Variants in JAKMIP3 observed in about 807,000 individuals in gnomAD.
JAKMIP3 encodes the protein janus kinase and microtubule-interacting protein 3.
JAKMIP3 carries 58 observed loss-of-function variants against 118.5 expected under a neutral mutation model. That is an observed-to-expected ratio of 0.49 (90% CI 0.40 to 0.61). The LOEUF is 0.61. JAKMIP3 is among the 20% of genes least tolerant of loss of function. The probability of loss-of-function intolerance (pLI) is 0.00; values close to 1 mark genes in which losing one functional copy is unlikely to be tolerated. For synonymous variants in JAKMIP3, 486 were observed against 451.2 expected, an observed-to-expected ratio of 1.08 and a Z score of -0.98; for missense variants, 950 against 1,109.0, an observed-to-expected ratio of 0.86 and a Z score of 2.04.
At chr10:132,071,192 T>TG (rs2039784508) in intron 1 of JAKMIP3, among the ~76,000 whole-genome samples, 1 of 151,112 alleles carries the variant, frequency 6.6e-6, no homozygotes, top group African/African-American at 2.4e-5. Context: ...TGTGTGTGTG[T>TG]TTTAATCCAG....
At chr10:132,108,192 C>T (rs1259729290) in intron 2 of JAKMIP3, among the ~76,000 whole-genome samples, 1 of 152,188 alleles carries the variant, frequency 6.6e-6, no homozygotes, top group African/African-American at 2.4e-5. Flanking sequence ...GTTTTCACAC[C>T]TCACTGTGCA....
intron 1 of JAKMIP3, among the ~76,000 whole-genome samples, chr10:132,055,633 T>G (rs2038217327): frequency 6.6e-6 from 1 of 152,208 alleles, no homozygotes; most frequent in African/African-American, 2.4e-5. Context: ...TCAGTTGGCA[T>G]GTGCCTCGGT....
chr10:132,132,467 G>A (rs1013151076), intron 3 of JAKMIP3, among the ~76,000 whole-genome samples: 31 of 152,268 alleles, frequency 2.0e-4, no homozygotes, highest in African/African-American at 6.7e-4. Flanking sequence ...GAAGCGGGGC[G>A]GGGTACTTGC....
chr10:132,155,094 A>T (rs947553401), intron 19 of JAKMIP3, among the ~76,000 whole-genome samples: 1 of 21,022 alleles, frequency 4.8e-5, no homozygotes, highest in Admixed American at 4.9e-4. Flanking sequence ...GGAGGTAGTG[A>T]TGATGATGGT....
intron 1 of JAKMIP3, among the ~76,000 whole-genome samples, chr10:132,081,816 G>A (rs1328415013): frequency 6.6e-6 from 1 of 151,968 alleles, no homozygotes; most frequent in African/African-American, 2.4e-5. Flanking sequence ...GCAGTGCACA[G>A]AGAACCACAC....
chr10:132,165,921 A>G (rs114054620), intron 21 of JAKMIP3, among the ~76,000 whole-genome samples: 2,840 of 152,340 alleles, frequency 0.019, 87 homozygotes, highest in African/African-American at 0.064. Context: ...CCGGGAGGGG[A>G]CACAGTGTTC....
intron 1 of JAKMIP3, among the ~76,000 whole-genome samples, chr10:132,038,415 T>C (rs960193840): frequency 2.0e-5 from 3 of 152,136 alleles, no homozygotes; most frequent in Admixed American, 2.0e-4. Context: ...CATGACACTT[T>C]TGCAAGATCT....
At chr10:132,061,306 G>C (rs371352579), upstream of JAKMIP3, among the ~76,000 whole-genome samples, 1 of 152,084 alleles carries the variant, frequency 6.6e-6, no homozygotes, top group Non-Finnish European at 1.5e-5. Context: ...ACACACACAC[G>C]TTAGGCACCA....
At chr10:132,161,897 G>T (rs1189240359) in intron 19 of JAKMIP3, among the ~76,000 whole-genome samples, 1 of 146,214 alleles carries the variant, frequency 6.8e-6, no homozygotes, top group African/African-American at 2.4e-5. Flanking sequence ...TATTGGGGGG[G>T]CCACTTCCTG....
chr10:132,054,949 TG>T lies in JAKMIP3; in HGVS notation c.-138+18212del, dbSNP rs1271462252. Among the ~76,000 whole-genome samples, 85 of 147,098 alleles carry T rather than the reference TG, an allele frequency of 5.8e-4. 2 individuals carry two copies. In the East Asian group the frequency reaches 0.012, roughly 20 times the overall value. On this transcript the variant is annotated intron_variant, in intron 1 of 23. Coordinates refer to the JAKMIP3 transcript ENST00000657785. ...CCGAGGACCCTCCGCTTGGGGATAG[TG>T]AGAGTCCTGCACTCCTACACCGAGG...
rs1451881149 is a variant in JAKMIP3 at position 132,117,736 on chromosome 10, C to T, written c.633+162C>T. Among the ~76,000 whole-genome samples, 1 of 152,208 alleles carries T rather than the reference C, an allele frequency of 6.6e-6. No homozygotes were observed. The highest frequency in any genetic ancestry group is 2.1e-4 in the South Asian group (1 of 4,822). On this transcript the variant is annotated intron_variant, in intron 3 of 23. Transcript: ENST00000684848. The surrounding 1 kb of genome is among the most constrained non-coding windows in gnomAD (Gnocchi z 8.6). ...CATTCTTAGCACAGGCTCCTCATGC[C>T]ACCCCTGTTGGTTTTGAGGACCCTA...
upstream of JAKMIP3, among the ~76,000 whole-genome samples, chr10:132,064,342 C>T (rs1241291544): frequency 1.3e-5 from 2 of 152,344 alleles, no homozygotes; most frequent in East Asian, 3.9e-4. This position sits in a 1 kb window ranked among gnomAD's most constrained non-coding sequence, Gnocchi z 4.4. Flanking sequence ...AGCAGGAGGA[C>T]AGCTGGGCTG....
rs147126335 is a variant in JAKMIP3, at chr10:132,148,199, C to T, written c.1848+149C>T. The T allele has an allele frequency of 1.4e-3, 773 of 559,000 alleles. 3 individuals carry two copies. The highest frequency in any genetic ancestry group is 2.0e-3 in the Admixed American group (61 of 30,616). The allele number at this position is 559,000 out of a possible 1,614,324, so 34.6% of individuals were successfully genotyped here. A position where few individuals can be genotyped will look rare whatever the true frequency, so the allele number is the denominator to read the frequency against. ...GTCAGGGAGGAAAGAGGCAAATGGCCGTAAACCGCCACCTCTTCATACCGG... is the reference window on the plus strand; with the variant it reads ...GTCAGGGAGGAAAGAGGCAAATGGCTGTAAACCGCCACCTCTTCATACCGG... On this transcript the variant is annotated intron_variant, in intron 14 of 23. Coordinates refer to ENST00000684848, the MANE Select transcript of JAKMIP3 (RefSeq NM_001323087.2).
intron 1 of JAKMIP3, among the ~76,000 whole-genome samples, chr10:132,057,360 G>T (rs182707188): frequency 6.6e-6 from 1 of 152,216 alleles, no homozygotes; most frequent in African/African-American, 2.4e-5. Flanking sequence ...CAGGCTTTGC[G>T]TGCATGAAAG....
At chr10:132,102,722 C>A (rs1465998604) in intron 1 of JAKMIP3, among the ~76,000 whole-genome samples, 5 of 152,226 alleles carry the variant, frequency 3.3e-5, no homozygotes, top group Non-Finnish European at 7.3e-5. Flanking sequence ...TGCCCTGTGG[C>A]CCTCCCACCT....
At chr10:132,171,216 C>T (rs575460832) in intron 23 of JAKMIP3, among the ~76,000 whole-genome samples, 1 of 152,344 alleles carries the variant, frequency 6.6e-6, no homozygotes, top group East Asian at 1.9e-4. Context: ...CTCTCGGGAT[C>T]CTCTCCCACC....
intron 1 of JAKMIP3, among the ~76,000 whole-genome samples, chr10:132,059,622 T>C (rs1399721272): frequency 6.6e-6 from 1 of 152,170 alleles, no homozygotes; most frequent in East Asian, 1.9e-4. Flanking sequence ...CCTCCAGCAG[T>C]CTTCAGAGAG....
chr10:132,080,265 A>G (rs780025090), intron 1 of JAKMIP3, among the ~76,000 whole-genome samples: 4 of 152,036 alleles, frequency 2.6e-5, no homozygotes, highest in Admixed American at 6.6e-5. Flanking sequence ...CAGGCTTCCA[A>G]TTTCTGTACA....
upstream of JAKMIP3, among the ~76,000 whole-genome samples, chr10:132,060,244 G>T (rs1297997580): frequency 6.6e-6 from 1 of 152,116 alleles, no homozygotes; most frequent in Non-Finnish European, 1.5e-5. Flanking sequence ...CAAGTTTGAG[G>T]CTGTAAATAA....
Sources: allele counts gnomAD v4.1 joint callset (sites outside exome capture counted in the v4.1 genomes callset), GRCh38; gene constraint gnomAD v4.1.1; non-coding constraint Gnocchi (gnomAD v3.1); transcripts MANE v1.5; gene names NCBI Gene and HGNC (gene_info 2026-07-23, HGNC 2026-07-21).